The following CDK14 variants were observed in gnomAD, a reference collection of about 807,000 sequenced individuals.
The protein encoded by CDK14 is cyclin dependent kinase 14.
Under a neutral mutation model 60.7 loss-of-function variants are expected in CDK14, and 34 were observed. The observed-to-expected ratio is 0.56, with a 90% CI of 0.43 to 0.75. The LOEUF (loss-of-function observed/expected upper bound fraction) is 0.75. CDK14 is among the 30% of genes least tolerant of loss of function. The pLI is 0.00. For synonymous variants in CDK14, 197 were observed against 203.7 expected, an observed-to-expected ratio of 0.97 and a Z score of 0.28; for missense variants, 482 against 564.1, an observed-to-expected ratio of 0.85 and a Z score of 1.47.
intron 2 of CDK14, among the ~76,000 whole-genome samples, chr7:90,653,660 T>TTTTA (rs1047504149): frequency 6.6e-6 from 1 of 152,194 alleles, no homozygotes; most frequent in Non-Finnish European, 1.5e-5. Flanking sequence ...GCAGAAATTC[T>TTTTA]TTTATTTATT....
chr7:90,671,725 T>C (rs1013604408), intron 2 of CDK14, among the ~76,000 whole-genome samples: 4 of 152,222 alleles, frequency 2.6e-5, no homozygotes, highest in Non-Finnish European at 5.9e-5. Flanking sequence ...ATCTCTCTCC[T>C]GATGCTCAAT....
intron 12 of CDK14, among the ~76,000 whole-genome samples, chr7:91,080,855 A>G (rs1798466686): frequency 6.6e-6 from 1 of 152,230 alleles, no homozygotes; most frequent in Admixed American, 6.5e-5. Flanking sequence ...AGAATAGGTA[A>G]TTAGAATTAC....
intron 10 of CDK14, 47 bp from the exon 11 acceptor site, chr7:91,045,850 C>T: frequency 8.0e-7 from 1 of 1,245,580 alleles, no homozygotes; most frequent in East Asian, 2.3e-5. Context: ...ATTTTGAGTG[C>T]TTTGGAAATA....
intron 9 of CDK14, among the ~76,000 whole-genome samples, chr7:90,961,812 A>G (rs942082619): frequency 2.6e-5 from 4 of 152,218 alleles, no homozygotes; most frequent in Non-Finnish European, 4.4e-5. Context: ...AGTCCCTTAA[A>G]ATTAGGATGA....
At chr7:90,919,930 C>A (rs533776347) in intron 8 of CDK14, among the ~76,000 whole-genome samples, 19 of 152,352 alleles carry the variant, frequency 1.2e-4, no homozygotes, top group Non-Finnish European at 2.2e-4. Context: ...GCAGAAGGAT[C>A]GTGCCCATGC....
At chr7:91,009,413 G>A (rs1000955773) in intron 10 of CDK14, among the ~76,000 whole-genome samples, 9 of 152,074 alleles carry the variant, frequency 5.9e-5, no homozygotes, top group South Asian at 2.1e-4. Context: ...CAATCAATAC[G>A]GTGGGTGTAT....
chr7:90,923,056 A>G (rs1584127730), intron 8 of CDK14, among the ~76,000 whole-genome samples: 1 of 151,422 alleles, frequency 6.6e-6, no homozygotes, highest in African/African-American at 2.4e-5. Flanking sequence ...GTCAATCACT[A>G]TAGTGTCATT....
chr7:90,916,679 A>G (rs1029941037), intron 7 of CDK14, among the ~76,000 whole-genome samples: 4 of 152,246 alleles, frequency 2.6e-5, no homozygotes, highest in Non-Finnish European at 4.4e-5. Flanking sequence ...GGCACTTAAA[A>G]GTAAGAACAT....
chr7:90,759,846 A>C (rs1328709993), intron 4 of CDK14, among the ~76,000 whole-genome samples: 1 of 152,202 alleles, frequency 6.6e-6, no homozygotes, highest in Non-Finnish European at 1.5e-5. Context: ...GTTGTCCCAC[A>C]GATGATCCTG....
At chr7:90,724,004 T>A (rs1802546327) in intron 2 of CDK14, among the ~76,000 whole-genome samples, 1 of 152,214 alleles carries the variant, frequency 6.6e-6, no homozygotes, top group African/African-American at 2.4e-5. Flanking sequence ...TTCTGTACAA[T>A]TGAAGTCATT....
At chr7:90,615,017 CATT>C (rs1799620326) in intron 2 of CDK14, among the ~76,000 whole-genome samples, 1 of 151,932 alleles carries the variant, frequency 6.6e-6, no homozygotes, top group Admixed American at 6.6e-5. Flanking sequence ...TATAGTGCAA[CATT>C]ATATGATTAA....
chr7:90,724,509 A>C (rs961365770), intron 2 of CDK14, among the ~76,000 whole-genome samples: 1 of 149,912 alleles, frequency 6.7e-6, no homozygotes, highest in African/African-American at 2.5e-5. Context: ...TTAGTATTTT[A>C]AGGTGGAAGC....
At chr7:90,664,018 G>A (rs1800919750) in intron 2 of CDK14, among the ~76,000 whole-genome samples, 1 of 151,876 alleles carries the variant, frequency 6.6e-6, no homozygotes, top group Non-Finnish European at 1.5e-5. Context: ...CTACAGAATG[G>A]GAGAAAATTT....
chr7:90,758,734 A>G (rs978591365), intron 4 of CDK14, among the ~76,000 whole-genome samples: 40 of 152,224 alleles, frequency 2.6e-4, no homozygotes, highest in Middle Eastern at 3.2e-3. Context: ...AGATGTATCA[A>G]TACTATATTC....
At chr7:91,069,275 G>T (rs545604601) in intron 11 of CDK14, among the ~76,000 whole-genome samples, 1 of 152,090 alleles carries the variant, frequency 6.6e-6, no homozygotes, top group South Asian at 2.1e-4. Flanking sequence ...ACAGCGGCTC[G>T]TGCTTGTAAT....
intron 5 of CDK14, among the ~76,000 whole-genome samples, chr7:90,813,202 G>A (rs1488791037): frequency 1.3e-5 from 2 of 152,064 alleles, no homozygotes; most frequent in Non-Finnish European, 2.9e-5. Context: ...TTGCTCTGTC[G>A]CCCAGGCTGG....
chr7:90,597,142 A>G (rs1461580286), intron 1 of CDK14: 1 of 172,784 alleles, frequency 5.8e-6, no homozygotes, highest in African/African-American at 2.4e-5. Context: ...GAAACGTTAG[A>G]CTGTGCCCTG....
intron 11 of CDK14, among the ~76,000 whole-genome samples, chr7:91,047,478 A>G (rs902507107): frequency 6.6e-6 from 1 of 152,206 alleles, no homozygotes; most frequent in Non-Finnish European, 1.5e-5. Flanking sequence ...ACTTCATGAC[A>G]CCAGGGACTG....
chr7:90,708,245 A>G (rs995259731), intron 2 of CDK14, among the ~76,000 whole-genome samples: 13 of 152,230 alleles, frequency 8.5e-5, no homozygotes, highest in African/African-American at 3.1e-4. Flanking sequence ...AAATGCCAAC[A>G]GTACAAGAGA....
Sources: allele counts gnomAD v4.1 joint callset (sites outside exome capture counted in the v4.1 genomes callset), GRCh38; gene constraint gnomAD v4.1.1; transcripts MANE v1.5; gene names NCBI Gene and HGNC (gene_info 2026-07-23, HGNC 2026-07-21).